The following UGT1A9 variants were observed in gnomAD, a reference collection of about 807,000 sequenced individuals.
UGT1A9 encodes UDP glucuronosyltransferase family 1 member A9, also known as UDP-glucuronosyltransferase 1A9.
A neutral mutation model predicts 45.0 loss-of-function variants in UGT1A9; 35 were observed. The ratio of observed to expected loss-of-function variants is 0.78; its 90% confidence interval spans 0.59 to 1.03. The LOEUF is 1.03. Among genes scored for constraint, UGT1A9 ranks in the 50% least tolerant of loss-of-function variants. The pLI, the probability that UGT1A9 is intolerant of heterozygous loss-of-function variation, is 0.00. For missense variants in UGT1A9, 687 were observed against 666.6 expected, an observed-to-expected ratio of 1.03 and a Z score of -0.34; for synonymous variants, 278 against 250.6, an observed-to-expected ratio of 1.11 and a Z score of -1.03.
chr2:233,760,716 C>T (rs1697538425), intron 1 of UGT1A9: 9 of 1,614,218 alleles, frequency 5.6e-6, no homozygotes, highest in East Asian at 2.2e-5. Context: ...TGGCAGAAAG[C>T]AGCTTTGATG....
At chr2:233,712,897 T>C in intron 1 of UGT1A9, 1 of 1,607,966 alleles carries the variant, frequency 6.2e-7, no homozygotes, top group Non-Finnish European at 8.5e-7. Context: ...GTTGATTTGC[T>C]AGGTGTCTCA....
intron 1 of UGT1A9, chr2:233,721,814 C>T: frequency 1.9e-6 from 1 of 515,666 alleles, no homozygotes; most frequent in Non-Finnish European, 3.9e-6. Flanking sequence ...AAAAATCCAG[C>T]ACCCTATTTG....
chr2:233,766,884 A>G, intron 1 of UGT1A9, 150 bp from the exon 2 acceptor site: 2 of 1,457,402 alleles, frequency 1.4e-6, no homozygotes, highest in Non-Finnish European at 1.8e-6. Context: ...ATGCTGTAAA[A>G]CTTACATATT....
chr2:233,749,815 C>T (rs1374657225), intron 1 of UGT1A9, among the ~76,000 whole-genome samples: 1 of 151,874 alleles, frequency 6.6e-6, no homozygotes, highest in African/African-American at 2.4e-5. Flanking sequence ...AGCTCTTCCT[C>T]TTTCTCTCTT....
At chr2:233,726,649 CTTAAT>C (rs898700171) in intron 1 of UGT1A9, among the ~76,000 whole-genome samples, 5 of 152,174 alleles carry the variant, frequency 3.3e-5, no homozygotes, top group Non-Finnish European at 7.3e-5. Context: ...TCTTAAAACT[CTTAAT>C]TTAATCATAT....
At chr2:233,708,181 C>T (rs980822375) in intron 1 of UGT1A9, among the ~76,000 whole-genome samples, 3 of 152,162 alleles carry the variant, frequency 2.0e-5, no homozygotes, top group East Asian at 1.9e-4. Context: ...CTTACTGTGT[C>T]GTGCACATTT....
At chr2:233,672,941 G>T (rs4663871) in intron 1 of UGT1A9, 152 bp downstream of exon 1, 2 of 1,392,100 alleles carry the variant, frequency 1.4e-6, no homozygotes, top group East Asian at 2.4e-5. Context: ...GCGTGTACTC[G>T]TCAGTAGCAA....
chr2:233,693,545 A>G lies in UGT1A9; in HGVS notation c.855+20756A>G, dbSNP rs2070959. ...GGGTTTTCCGTGTTCCCTGGAGCATACATTCAGCAGAAGCCCAGACCCTGT... is the reference window on the plus strand; with the variant it reads ...GGGTTTTCCGTGTTCCCTGGAGCATGCATTCAGCAGAAGCCCAGACCCTGT... On this transcript the variant is annotated intron_variant, in intron 1 of 4. Transcript: ENST00000354728. The G allele has an allele frequency of 0.32, 515,475 of 1,613,956 alleles. 84,631 individuals are homozygous for G. Among genetic ancestry groups the G allele is most frequent in the South Asian group, 0.4 (36,504 of 91,082 alleles).
At chr2:233,764,847 C>G (rs1361860386) in intron 1 of UGT1A9, among the ~76,000 whole-genome samples, 2 of 147,962 alleles carry the variant, frequency 1.4e-5, no homozygotes, top group Non-Finnish European at 3.0e-5. Flanking sequence ...ATGACTCTGT[C>G]CTCCCTGACT....
intron 1 of UGT1A9, among the ~76,000 whole-genome samples, chr2:233,710,997 T>G (rs1288211350): frequency 6.6e-6 from 1 of 152,218 alleles, no homozygotes; most frequent in Admixed American, 6.5e-5. Context: ...ATCAGGCTAT[T>G]GGATGCCTTT....
intron 1 of UGT1A9, among the ~76,000 whole-genome samples, chr2:233,736,167 C>T (rs1159152421): frequency 6.6e-6 from 1 of 152,232 alleles, no homozygotes; most frequent in Non-Finnish European, 1.5e-5. Context: ...TAGATTTGGT[C>T]TTTCCACATA....
intron 1 of UGT1A9, chr2:233,729,363 C>A (rs747061628): frequency 6.2e-7 from 1 of 1,614,038 alleles, no homozygotes; most frequent in Admixed American, 1.7e-5. Context: ...CCCTGACAAC[C>A]TATGCCATTT....
At chr2:233,740,327 T>C (rs1299928906) in intron 1 of UGT1A9, among the ~76,000 whole-genome samples, 2 of 151,910 alleles carry the variant, frequency 1.3e-5, no homozygotes, top group Non-Finnish European at 2.9e-5. Context: ...TCTGCATTTA[T>C]TGAGAAAGTT....
intron 1 of UGT1A9, chr2:233,681,985 A>G: frequency 1.2e-6 from 2 of 1,614,106 alleles, no homozygotes; most frequent in Non-Finnish European, 1.7e-6. Context: ...ATGTGTGTCT[A>G]CTGCTGACCT....
intron 1 of UGT1A9, chr2:233,743,965 G>A (rs1040596623): frequency 9.0e-6 from 12 of 1,330,234 alleles, no homozygotes; most frequent in Non-Finnish European, 1.0e-5. Context: ...CGAGCGGCAA[G>A]GCTGCCAGCA....
chr2:233,760,682 A>G lies in UGT1A9; in HGVS notation c.856-6352A>G. On this transcript the variant is annotated intron_variant, in intron 1 of 4. Transcript: ENST00000354728. ...TTGTCTGGCTGTTCCCACTTACTGC[A>G]CAACAAGGAGCTCATGGCCTCCCTG... The G allele has an allele frequency of 6.2e-7, 1 of 1,614,208 alleles. No homozygotes were observed. The highest frequency in any genetic ancestry group is 1.1e-5 in the South Asian group (1 of 91,088).
intron 1 of UGT1A9, among the ~76,000 whole-genome samples, chr2:233,685,279 C>T (rs532732563): frequency 7.9e-5 from 12 of 152,180 alleles, no homozygotes; most frequent in Non-Finnish European, 1.3e-4. Flanking sequence ...GTGATCCGCC[C>T]GCCTCCGCCT....
At chr2:233,704,843 A>G (rs1329627923) in intron 1 of UGT1A9, among the ~76,000 whole-genome samples, 2 of 152,096 alleles carry the variant, frequency 1.3e-5, no homozygotes, top group Non-Finnish European at 2.9e-5. Context: ...AAATCAGTTA[A>G]GAGAATAGGG....
intron 1 of UGT1A9, among the ~76,000 whole-genome samples, chr2:233,684,257 G>T (rs1035516558): frequency 6.6e-6 from 1 of 152,204 alleles, no homozygotes; most frequent in African/African-American, 2.4e-5. Flanking sequence ...GACTACAGTT[G>T]TAGGCCTTTC....
Sources: gnomAD v4.1 joint callset for allele counts (sites outside exome capture counted in the v4.1 genomes callset) on GRCh38, gnomAD v4.1.1 for gene constraint, MANE v1.5 for transcripts, NCBI Gene and HGNC (gene_info 2026-07-23, HGNC 2026-07-21) for gene names.